The following PARP3 variants were observed in gnomAD, a reference collection of about 807,000 sequenced individuals.
The protein encoded by PARP3 is poly(ADP-ribose) polymerase family member 3.
In PARP3, 46 loss-of-function variants were observed where a neutral mutation model predicts 58.2. The ratio of observed to expected loss-of-function variants is 0.79; its 90% CI spans 0.62 to 1.01. The LOEUF is 1.01. PARP3 is among the 50% of genes least tolerant of loss of function. The pLI is 0.00. For synonymous variants in PARP3, 252 were observed against 266.4 expected (o/e 0.95, Z 0.53); for missense variants, 663 against 683.9 (o/e 0.97, Z 0.34).
intron 10 of PARP3, 59 bp from the exon 11 acceptor site, chr3:51,948,252 C>T (rs2106701128): frequency 1.3e-6 from 2 of 1,521,270 alleles, no homozygotes; most frequent in East Asian, 2.3e-5. Flanking sequence ...GCAGGACTTA[C>T]TCGTAAGGCC....
In PARP3 at chr3:51,944,696, C is replaced by T. The variant is rs323869; in HGVS notation, c.502-82C>T. The T allele has an allele frequency of 8.4e-3, 13,270 of 1,574,928 alleles. 995 individuals carry two copies. In the African/African-American group the frequency reaches 0.16, roughly 19 times the overall value. ...GCGCAGCCTCAGCCACAGAACTCCC[C>T]TCTGGCCTCAGGCTGGCTGGTCTCT... On this transcript the variant is annotated intron_variant, in intron 4 of 10. Transcript: ENST00000398755. This position sits in a 1 kb window ranked among gnomAD's most constrained non-coding sequence, Gnocchi z 4.2.
intron 1 of PARP3, 165 bp downstream of exon 1, chr3:51,942,873 G>A: frequency 2.1e-6 from 3 of 1,432,020 alleles, no homozygotes; most frequent in South Asian, 1.5e-5. Context: ...GCTCCGGGAG[G>A]ATAATCTGGC....
chr3:51,942,643 C>T lies in PARP3; in HGVS notation c.-68C>T, dbSNP rs764346450. ...GAGAGTTGCTAGACCTGGGACTGCCCTGGGAGGCGCACACAACCAGGCCGG... is the reference window on the plus strand; with the variant it reads ...GAGAGTTGCTAGACCTGGGACTGCCTTGGGAGGCGCACACAACCAGGCCGG... On this transcript the variant is annotated 5_prime_UTR_variant, in exon 1 of 11. Transcript: ENST00000398755. 6 of 1,113,934 alleles carry T rather than the reference C, an allele frequency of 5.4e-6. No individual in the cohort carries two copies. The South Asian group carries it at 6.6e-5, about 12-fold the overall frequency. The allele number at this position is 1,113,934 out of a possible 1,614,324, so 69.0% of individuals were successfully genotyped here.
chr3:51,944,182 C>A lies in PARP3; in HGVS notation c.277C>A (p.Arg93Ser). Reference sequence around the variant, plus strand: ...CATCCAGCTGCTCCAAGACAGCAACCGCTTCTTCACCTGCTGGAACCGCTG... The same window carrying A: ...CATCCAGCTGCTCCAAGACAGCAACAGCTTCTTCACCTGCTGGAACCGCTG... ...YIIQLLQDSN[R>S]FFTCWNRWGR... Residue 93 changes from arginine to serine, a missense_variant, in exon 3 of 11, where the codon CGC becomes AGC. By Grantham distance (110) the Arg-to-Ser change is moderately radical. Coordinates refer to ENST00000398755, the MANE Select transcript of PARP3 (RefSeq NM_001003931.4). This position sits in a 1 kb window ranked among gnomAD's most constrained non-coding sequence, Gnocchi z 4.2. The A allele has an allele frequency of 6.2e-7, 1 of 1,613,984 alleles. No homozygotes were observed. Among genetic ancestry groups the A allele is most frequent in the Non-Finnish European group, 8.5e-7 (1 of 1,179,962 alleles).
intron 1 of PARP3, 47 bp from the exon 2 acceptor site, chr3:51,943,307 A>G (rs774625416): frequency 4.0e-6 from 6 of 1,494,024 alleles, no homozygotes; most frequent in Non-Finnish European, 5.4e-6. Flanking sequence ...GTCGTTGGGG[A>G]TGAGGAGACC....
At chr3:51,943,076 G>C (rs1187953344) in intron 1 of PARP3, 5 of 1,346,808 alleles carry the variant, frequency 3.7e-6, no homozygotes, top group Non-Finnish European at 4.8e-6. Context: ...GAGCCAGGCA[G>C]ACCCTGTTGA....
chr3:51,942,394 C>T lies in PARP3; in HGVS notation c.-317C>T. The T allele has an allele frequency of 1.1e-5, 6 of 550,180 alleles. No homozygotes were observed. Among genetic ancestry groups the T allele is most frequent in the Admixed American group, 3.1e-5 (1 of 32,612 alleles). 34.1% of individuals were successfully genotyped at this position (550,180 alleles called of 1,614,324 possible). A position where few individuals can be genotyped will look rare whatever the true frequency, so the allele number is the denominator to read the frequency against. ...CGACCGGCAGATGCGTGCTGCAGGC[C>T]CCGGCCACATGAGCAGCGCTACGGA... On this transcript the variant is annotated 5_prime_UTR_variant, in exon 1 of 11. Coordinates refer to ENST00000398755, the MANE Select transcript of PARP3 (RefSeq NM_001003931.4).
Position 51,945,009 on chromosome 3 carries a change from A to T in PARP3, c.646A>T (p.Met216Leu). ...MALMDLDVKK[M>L]PLGKLSKQQI... ...CCCTGTCCCCCTAGATGTGAAGAAG[A>T]TGCCCCTGGGAAAGCTGAGCAAGCA... The change falls in exon 6 of 11, where the codon ATG (methionine) becomes TTG (leucine). Residue 216 changes from methionine (M) to leucine (L), a missense_variant. Physicochemically the swap from Met to Leu is conservative, Grantham distance 15 (BLOSUM62 2). This residue lies in a region of PARP3 where 567 missense variants were observed against 553.6 expected (regional missense o/e 1.02). Transcript: ENST00000398755. 1 of 1,613,864 alleles carries T rather than the reference A, an allele frequency of 6.2e-7. No individual in the cohort carries two copies. Among genetic ancestry groups the T allele is most frequent in the Non-Finnish European group, 8.5e-7 (1 of 1,179,996 alleles).
In PARP3 at chr3:51,942,724, T is replaced by C. The variant is rs1699574174; in HGVS notation, c.-3+16T>C. The stretch of plus-strand genomic sequence containing the variant: ...CTTTTCTTGGGTGAGTGTCCTATGG[T>C]CCTGCCCACGGCAGGGCAGGGCAAG... On this transcript the variant is annotated intron_variant, in intron 1 of 10. Transcript: ENST00000398755. 6.4e-7 allele frequency: 1 copy of C among 1,555,434 alleles called. No homozygotes were observed. The highest frequency in any genetic ancestry group is 1.2e-5 in the South Asian group (1 of 84,288).
chr3:51,944,322 G>C lies in PARP3; in HGVS notation c.313-68G>C, dbSNP rs1174478090. On this transcript the variant is annotated intron_variant, in intron 3 of 10. Coordinates refer to ENST00000398755, the MANE Select transcript of PARP3 (RefSeq NM_001003931.4). This position sits in a 1 kb window ranked among gnomAD's most constrained non-coding sequence, Gnocchi z 4.2. ...AACTGTCCCAGGGCACTCAGCACAG[G>C]GCCTGGCCCGACACACAGGCCAGCA... The C allele has an allele frequency of 1.2e-6, 2 of 1,607,148 alleles. No individual in the cohort carries two copies. The highest frequency in any genetic ancestry group is 1.7e-6 in the Non-Finnish European group (2 of 1,175,780).
At chr3:51,945,344 A>G in intron 6 of PARP3, 120 bp downstream of exon 6, 1 of 1,361,152 alleles carries the variant, frequency 7.3e-7, no homozygotes. Context: ...GCAGGCTGAC[A>G]GACGGGTGGG....
chr3:51,944,358 GT>G lies in PARP3; in HGVS notation c.313-31del. On this transcript the variant is annotated intron_variant, in intron 3 of 10. Coordinates refer to ENST00000398755, the MANE Select transcript of PARP3 (RefSeq NM_001003931.4). The surrounding 1 kb of genome is among the most constrained non-coding windows in gnomAD (Gnocchi z 4.2). ...ACACACAGGCCAGCAAATGCTGATG[GT>G]GGGCATACCCCTGAAGGCTGTCGGT... 1 of 1,612,430 alleles carries G rather than the reference GT, an allele frequency of 6.2e-7. No individual in the cohort carries two copies. Among genetic ancestry groups the G allele is most frequent in the Non-Finnish European group, 8.5e-7 (1 of 1,179,202 alleles).
chr3:51,948,523 A>G lies in PARP3; in HGVS notation c.*43A>G. ...CGGGGTCCTGCAAGGCTGGACTGTG[A>G]TCTTCAATCATCCTGCCCATCTCTG... On this transcript the variant is annotated 3_prime_UTR_variant, in exon 11 of 11. Coordinates refer to ENST00000398755, the MANE Select transcript of PARP3 (RefSeq NM_001003931.4). 1 of 1,556,768 alleles carries G rather than the reference A, an allele frequency of 6.4e-7. No individual in the cohort carries two copies. The highest frequency in any genetic ancestry group is 8.8e-7 in the Non-Finnish European group (1 of 1,131,348).
In PARP3 at chr3:51,945,550, A is replaced by G. The variant is rs768613911; in HGVS notation, c.917A>G (p.Lys306Arg). ...QALQAVSEQE[K>R]TVEEVPHPLD... is the part of the protein sequence containing the mutation. Reference sequence around the variant, plus strand: ...CTGCAGGCAGTCTCTGAGCAGGAGAAGACGGTGGAGGAGGTGCCACACCCC... The same window carrying G: ...CTGCAGGCAGTCTCTGAGCAGGAGAGGACGGTGGAGGAGGTGCCACACCCC... Residue 306 changes from lysine to arginine, a missense_variant, in exon 7 of 11, where the codon AAG becomes AGG. By Grantham distance (26) the Lys-to-Arg change is conservative. This residue lies in a region of PARP3 where 567 missense variants were observed against 553.6 expected (regional missense o/e 1.02). Transcript: ENST00000398755. 6 of 1,613,808 alleles carry G rather than the reference A, an allele frequency of 3.7e-6. No homozygotes were observed. In the South Asian group the frequency reaches 5.5e-5, roughly 15 times the overall value.
In PARP3 at chr3:51,942,488, C is replaced by T; in HGVS notation, c.-223C>T. On this transcript the variant is annotated 5_prime_UTR_variant, in exon 1 of 11. Coordinates refer to ENST00000398755, the MANE Select transcript of PARP3 (RefSeq NM_001003931.4). ...CGTCCGTGGGACTGGTCGCCTGACT[C>T]GGCCTGCCCCAGCCTCTGCTTCACC... is the stretch of plus-strand genomic sequence containing the variant. The T allele has an allele frequency of 1.5e-6, 1 of 653,416 alleles. No individual in the cohort carries two copies. The highest frequency in any genetic ancestry group is 2.8e-6 in the Non-Finnish European group (1 of 354,862). 40.5% of individuals were successfully genotyped at this position (653,416 alleles called of 1,614,324 possible). A position where few individuals can be genotyped will look rare whatever the true frequency, so the allele number is the denominator to read the frequency against.
intron 9 of PARP3, 127 bp from the exon 10 acceptor site, chr3:51,947,613 G>A: frequency 3.1e-6 from 3 of 975,738 alleles, no homozygotes; most frequent in South Asian, 3.1e-5. Context: ...GTGACGGTTG[G>A]GGGAGAGTGA....
Position 51,944,270 on chromosome 3 carries a change from A to C in PARP3, c.312+53A>C, listed in dbSNP as rs1448042054. The C allele has an allele frequency of 4.3e-6, 7 of 1,611,456 alleles. No individual in the cohort carries two copies. Among genetic ancestry groups the C allele is most frequent in the Middle Eastern group, 1.6e-4 (1 of 6,074 alleles). ...CTCCCCAGGGTCCTCAAAAGGCCAC[A>C]GCTACTGACTTGGGGGGGCACCTCC... On this transcript the variant is annotated intron_variant, in intron 3 of 10. Coordinates refer to ENST00000398755, the MANE Select transcript of PARP3 (RefSeq NM_001003931.4). The surrounding 1 kb of genome is among the most constrained non-coding windows in gnomAD (Gnocchi z 4.2).
Position 51,943,480 on chromosome 3 carries a change from A to T in PARP3, c.125A>T (p.Glu42Val), listed in dbSNP as rs1030523241. ...TAEALKAIPA[E>V]KRIIRVDPTC... ...GAGGCCCTCAAGGCCATACCCGCAG[A>T]GAAGCGCATAATCCGCGTGGATCCA... The change falls in exon 2 of 11, where the codon GAG becomes GTG. Residue 42 changes from glutamate to valine, a missense_variant. Transcript: ENST00000398755. The T allele has an allele frequency of 2.1e-5, 34 of 1,611,070 alleles. No homozygotes were observed. The Admixed American group carries it at 5.7e-4, about 27-fold the overall frequency.
In PARP3 at chr3:51,946,005, C is replaced by A. The variant is rs948416306; in HGVS notation, c.1098+66C>A. On this transcript the variant is annotated intron_variant, in intron 8 of 10. Coordinates refer to ENST00000398755, the MANE Select transcript of PARP3 (RefSeq NM_001003931.4). The surrounding 1 kb of genome is among the most constrained non-coding windows in gnomAD (Gnocchi z 4.6). ...CCTTAGGAAGATGTCCTTGGCTAAT[C>A]GGTCCCTTAGCAAATCGTTTAGCAG... The A allele has an allele frequency of 3.4e-6, 5 of 1,463,344 alleles. No homozygotes were observed. The African/African-American group carries it at 7.0e-5, about 20-fold the overall frequency. The allele number at this position is 1,463,344 out of a possible 1,614,324, so 90.6% of individuals were successfully genotyped here.
Sources: allele counts gnomAD v4.1 joint callset, GRCh38; gene constraint gnomAD v4.1.1; regional missense constraint gnomAD v4.1.1; non-coding constraint Gnocchi (gnomAD v3.1); transcripts MANE v1.5; gene names NCBI Gene and HGNC (gene_info 2026-07-23, HGNC 2026-07-21).